The following PCDH7 variants were observed in gnomAD, a reference collection of about 807,000 sequenced individuals.
PCDH7 encodes protocadherin-7.
In PCDH7, 17 loss-of-function variants were observed where a neutral mutation model predicts 58.9. That is an observed-to-expected ratio of 0.29 (90% CI 0.20 to 0.43). The LOEUF is 0.43. Ranked by LOEUF, PCDH7 falls within the 20% of genes least tolerant of loss-of-function variation. The pLI, the probability that PCDH7 is intolerant of heterozygous loss-of-function variation, is 1.00. For missense variants in PCDH7, 1,274 were observed against 1,441.0 expected (o/e 0.88, Z 1.88); for synonymous variants, 664 against 616.4 (o/e 1.08, Z -1.14).
intron 3 of PCDH7, among the ~76,000 whole-genome samples, chr4:31,056,903 A>G (rs1358366521): frequency 6.6e-6 from 1 of 152,156 alleles, no homozygotes. Flanking sequence ...ATAGTCATCC[A>G]TTAGTCAAAT....
intron 1 of PCDH7, among the ~76,000 whole-genome samples, chr4:30,852,829 GAAAAAAAAAAAAAA>G (rs58210433): frequency 4.0e-5 from 3 of 74,610 alleles, no homozygotes; most frequent in Non-Finnish European, 5.3e-5. Context: ...TCAAGCACAG[GAAAAAAAAAAAAAA>G]AAAAAAAAAA....
At chr4:31,031,285 A>C (rs763763151) in intron 3 of PCDH7, among the ~76,000 whole-genome samples, 30 of 152,210 alleles carry the variant, frequency 2.0e-4, no homozygotes, top group Non-Finnish European at 3.1e-4. Flanking sequence ...ACGGGGATGC[A>C]ACTGGCATTT....
chr4:30,998,024 T>G lies in PCDH7; in HGVS notation c.*7+47809T>G, dbSNP rs1041723775. Among the ~76,000 whole-genome samples the G allele has an allele frequency of 3.9e-5, 6 of 152,244 alleles. 1 individual carries two copies. The highest frequency in any genetic ancestry group is 3.3e-4 in the Admixed American group (5 of 15,292). On this transcript the variant is annotated intron_variant, in intron 3 of 3. Coordinates refer to the PCDH7 transcript ENST00000509759. ...AGCTATTTCTAAGCAAAAGAGGGAA[T>G]CAAAGTAAGAAGTTACAAACTCTGC...
At chr4:30,884,454 T>C (rs1359831842) in intron 1 of PCDH7, 1 of 152,146 alleles carries the variant, frequency 6.6e-6, no homozygotes, top group African/African-American at 2.4e-5. Flanking sequence ...TTAGGTAGTT[T>C]ATTTTCAATT....
At chr4:30,889,753 G>T (rs1418550160) in intron 1 of PCDH7, among the ~76,000 whole-genome samples, 1 of 152,094 alleles carries the variant, frequency 6.6e-6, no homozygotes, top group African/African-American at 2.4e-5. Flanking sequence ...CTTTTATAAG[G>T]ATGCTCAACC....
intron 3 of PCDH7, among the ~76,000 whole-genome samples, chr4:31,060,701 T>C (rs1757620856): frequency 1.3e-5 from 2 of 151,836 alleles, no homozygotes; most frequent in South Asian, 4.1e-4. Flanking sequence ...TTTCTTCTTC[T>C]AATCTGCTTA....
intron 1 of PCDH7, among the ~76,000 whole-genome samples, chr4:30,804,131 T>C (rs1333623693): frequency 6.6e-6 from 1 of 152,204 alleles, no homozygotes; most frequent in Non-Finnish European, 1.5e-5. Flanking sequence ...ATTTAAGCCA[T>C]AGCAGTGTTT....
At chr4:30,795,055 T>C (rs1724612856) in intron 1 of PCDH7, among the ~76,000 whole-genome samples, 2 of 152,184 alleles carry the variant, frequency 1.3e-5, no homozygotes, top group Non-Finnish European at 2.9e-5. Flanking sequence ...ATATATAATT[T>C]ATAAATTAAA....
At chr4:30,775,544 C>T (rs1721946144) in intron 1 of PCDH7, among the ~76,000 whole-genome samples, 1 of 152,126 alleles carries the variant, frequency 6.6e-6, no homozygotes, top group African/African-American at 2.4e-5. Context: ...TCCTTTCATA[C>T]AATTGATTCT....
At chr4:31,116,523 C>T (rs1268490994) in intron 3 of PCDH7, among the ~76,000 whole-genome samples, 1 of 152,124 alleles carries the variant, frequency 6.6e-6, no homozygotes, top group Non-Finnish European at 1.5e-5. Context: ...GTGGCACTGG[C>T]ACCATTGTTT....
intron 1 of PCDH7, among the ~76,000 whole-genome samples, chr4:30,770,504 C>T (rs1721261242): frequency 6.6e-6 from 1 of 152,166 alleles, no homozygotes; most frequent in Admixed American, 6.5e-5. Context: ...ATATGAAACT[C>T]AGGTGGGAAT....
chr4:31,033,936 A>C (rs1755170711), intron 3 of PCDH7, among the ~76,000 whole-genome samples: 1 of 152,128 alleles, frequency 6.6e-6, no homozygotes, highest in Non-Finnish European at 1.5e-5. Flanking sequence ...TCTACTAAAA[A>C]TACAAAAATT....
intron 1 of PCDH7, among the ~76,000 whole-genome samples, chr4:30,916,967 A>G (rs368660064): frequency 6.6e-6 from 1 of 152,318 alleles, no homozygotes; most frequent in Non-Finnish European, 1.5e-5. Context: ...TCTAGGTTGA[A>G]GAATTATCAC....
Position 31,031,894 on chromosome 4 carries a change from A to G in PCDH7, c.*7+81679A>G, listed in dbSNP as rs540852084. Among the ~76,000 whole-genome samples, 9 of 152,324 alleles carry G rather than the reference A, an allele frequency of 5.9e-5. No individual in the cohort carries two copies. In the South Asian group the frequency reaches 1.9e-3, roughly 32 times the overall value. On this transcript the variant is annotated intron_variant, in intron 3 of 3. Coordinates refer to the PCDH7 transcript ENST00000509759. Reference sequence around the variant, plus strand: ...CTTAAGCCTTTCATGACTTTCCTCCATTAAATGTTTAATTATTTTCAAGGC... The same window carrying G: ...CTTAAGCCTTTCATGACTTTCCTCCGTTAAATGTTTAATTATTTTCAAGGC...
chr4:30,908,372 G>A (rs1741274416), intron 1 of PCDH7, among the ~76,000 whole-genome samples: 2 of 152,064 alleles, frequency 1.3e-5, no homozygotes, highest in African/African-American at 4.8e-5. Context: ...CCAATGCTAA[G>A]GTGATATAGA....
chr4:31,104,882 G>GTA (rs1289004420), intron 3 of PCDH7, among the ~76,000 whole-genome samples: 6 of 152,184 alleles, frequency 3.9e-5, no homozygotes, highest in African/African-American at 1.4e-4. Context: ...AGTCAGATTT[G>GTA]TATGCAAAGC....
chr4:30,857,716 C>T (rs1314602518), intron 1 of PCDH7, among the ~76,000 whole-genome samples: 3 of 152,090 alleles, frequency 2.0e-5, no homozygotes, highest in African/African-American at 4.8e-5. Context: ...CTACCTCATA[C>T]TGACCTTTTG....
At chr4:30,897,735 C>A (rs961822698) in intron 1 of PCDH7, among the ~76,000 whole-genome samples, 1 of 152,118 alleles carries the variant, frequency 6.6e-6, no homozygotes, top group African/African-American at 2.4e-5. Flanking sequence ...AGCTGTTTAT[C>A]TCTTTGAAAT....
chr4:31,103,964 C>T (rs936165799), intron 3 of PCDH7, among the ~76,000 whole-genome samples: 3 of 152,112 alleles, frequency 2.0e-5, no homozygotes, highest in Non-Finnish European at 4.4e-5. Flanking sequence ...GGTTTCATGC[C>T]TCCATGCAAT....
Sources: gnomAD v4.1 joint callset for allele counts (sites outside exome capture counted in the v4.1 genomes callset) on GRCh38, gnomAD v4.1.1 for gene constraint, MANE v1.5 for transcripts, NCBI Gene and HGNC (gene_info 2026-07-23, HGNC 2026-07-21) for gene names.